Variants in PCDHGA7 observed in about 807,000 individuals in gnomAD.
The protein encoded by PCDHGA7 is protocadherin gamma subfamily A, 7.
In PCDHGA7, 44 loss-of-function variants were observed where a neutral mutation model predicts 58.3. That is an observed-to-expected ratio of 0.75 (90% CI 0.59 to 0.97). PCDHGA7 has a LOEUF of 0.97. Ranked by LOEUF, PCDHGA7 falls within the 50% of genes least tolerant of loss-of-function variation. The pLI, the probability that PCDHGA7 is intolerant of heterozygous loss-of-function variation, is 0.00. For missense variants in PCDHGA7, 1,266 were observed against 1,188.7 expected (o/e 1.06, Z -0.96); for synonymous variants, 516 against 504.2 (o/e 1.02, Z -0.31).
At chr5:141,419,528 G>A (rs966922299) in intron 1 of PCDHGA7, 10 of 1,612,056 alleles carry the variant, frequency 6.2e-6, no homozygotes, top group Admixed American at 1.7e-5. Flanking sequence ...CGACCGTAAC[G>A]ACAACGCACC....
chr5:141,489,397 G>T lies in PCDHGA7; in HGVS notation c.2425-5410G>T. ...GGTGGGGAATGTTGCTCAGGATCTG[G>T]GCTTAAAGATGACAGATCTGTTGAG... On this transcript the variant is annotated intron_variant, in intron 1 of 3. Coordinates refer to ENST00000518325, the MANE Select transcript of PCDHGA7 (RefSeq NM_018920.4). The surrounding 1 kb of genome is among the most constrained non-coding windows in gnomAD (Gnocchi z 4.5). 2 of 1,614,176 alleles carry T rather than the reference G, an allele frequency of 1.2e-6. No individual in the cohort carries two copies. Among genetic ancestry groups the T allele is most frequent in the Non-Finnish European group, 1.7e-6 (2 of 1,180,038 alleles).
In PCDHGA7 at chr5:141,476,235, A is replaced by G; in HGVS notation, c.2425-18572A>G. ...GTCATTCACTATGAGATCCCGGAGG[A>G]AAGAGAGAAGGGTTTCGCTGTGGGC... is the stretch of plus-strand genomic sequence containing the variant. On this transcript the variant is annotated intron_variant, in intron 1 of 3. Coordinates refer to ENST00000518325, the MANE Select transcript of PCDHGA7 (RefSeq NM_018920.4). The surrounding 1 kb of genome is among the most constrained non-coding windows in gnomAD (Gnocchi z 7.6). 2 of 1,613,844 alleles carry G rather than the reference A, an allele frequency of 1.2e-6. No homozygotes were observed. Among genetic ancestry groups the G allele is most frequent in the Admixed American group, 1.7e-5 (1 of 59,990 alleles).
intron 1 of PCDHGA7, chr5:141,398,027 T>G: frequency 6.9e-7 from 1 of 1,449,556 alleles, no homozygotes; most frequent in Non-Finnish European, 9.2e-7. Context: ...AAACTGGAAC[T>G]GGAACTAAAG....
rs1048081343 is a variant in PCDHGA7 at position 141,432,618 on chromosome 5, G to C, written c.2424+47295G>C. 6.2e-7 allele frequency: 1 copy of C among 1,612,806 alleles called. No individual in the cohort carries two copies. Among genetic ancestry groups the C allele is most frequent in the South Asian group, 1.1e-5 (1 of 90,950 alleles). ...AGCGAGCCGGGACTCTTCTCGGTGG[G>C]TCTGCACACGGGCGAGGTGCGCACG... On this transcript the variant is annotated intron_variant, in intron 1 of 3. Transcript: ENST00000518325. The surrounding 1 kb of genome is among the most constrained non-coding windows in gnomAD (Gnocchi z 6.0).
chr5:141,408,624 A>G, intron 1 of PCDHGA7: 1 of 1,614,016 alleles, frequency 6.2e-7, no homozygotes, highest in Non-Finnish European at 8.5e-7. Flanking sequence ...ATACATTTAG[A>G]AATTTTCGAA....
intron 1 of PCDHGA7, chr5:141,402,809 C>A: frequency 4.9e-6 from 6 of 1,214,046 alleles, no homozygotes; most frequent in Non-Finnish European, 6.6e-6. Flanking sequence ...CCGGCAGATA[C>A]CACAAACCTG....
chr5:141,481,179 T>C (rs115525079), intron 1 of PCDHGA7, among the ~76,000 whole-genome samples: 16 of 152,358 alleles, frequency 1.1e-4, no homozygotes, highest in African/African-American at 3.6e-4. Flanking sequence ...TCCAGCTTTA[T>C]TGGGCCAGGC....
At chr5:141,393,746 A>G (rs1167040701) in intron 1 of PCDHGA7, 6 of 1,613,800 alleles carry the variant, frequency 3.7e-6, no homozygotes, top group South Asian at 1.1e-5. Context: ...ATTATGAAGA[A>G]TGTTCATTTT....
At chr5:141,399,205 A>G (rs1344993471) in intron 1 of PCDHGA7, 1 of 1,613,982 alleles carries the variant, frequency 6.2e-7, no homozygotes, top group Admixed American at 1.7e-5. Flanking sequence ...GGTGCCTGGA[A>G]CACTAATTGC....
At chr5:141,465,047 T>C (rs2099095978) in intron 1 of PCDHGA7, among the ~76,000 whole-genome samples, 1 of 152,088 alleles carries the variant, frequency 6.6e-6, no homozygotes, top group Non-Finnish European at 1.5e-5. Context: ...TGACCCTATA[T>C]ATTTTTTTGA....
At position 141,489,664 on chromosome 5, in the gene PCDHGA7, A is replaced by G. The variant is rs745597010; in HGVS notation, c.2425-5143A>G. On this transcript the variant is annotated intron_variant, in intron 1 of 3. Transcript: ENST00000518325. The surrounding 1 kb of genome is among the most constrained non-coding windows in gnomAD (Gnocchi z 4.5). ...TGCCACCCCTGAGCGAGAGATGCGCATCTCAGAATCAGCAGCATCTGGGGC... is the reference window on the plus strand; with the variant it reads ...TGCCACCCCTGAGCGAGAGATGCGCGTCTCAGAATCAGCAGCATCTGGGGC... 1 of 1,614,106 alleles carries G rather than the reference A, an allele frequency of 6.2e-7. No homozygotes were observed. The highest frequency in any genetic ancestry group is 8.5e-7 in the Non-Finnish European group (1 of 1,180,050).
In PCDHGA7 at chr5:141,489,684, T is replaced by A; in HGVS notation, c.2425-5123T>A. 1 of 1,614,180 alleles carries A rather than the reference T, an allele frequency of 6.2e-7. No homozygotes were observed. Among genetic ancestry groups the A allele is most frequent in the South Asian group, 1.1e-5 (1 of 91,078 alleles). ...TGCGCATCTCAGAATCAGCAGCATC[T>A]GGGGCACGATTCCCACTGGACAGTG... On this transcript the variant is annotated intron_variant, in intron 1 of 3. Transcript: ENST00000518325. This position sits in a 1 kb window ranked among gnomAD's most constrained non-coding sequence, Gnocchi z 4.5.
intron 1 of PCDHGA7, among the ~76,000 whole-genome samples, chr5:141,455,322 G>A (rs376682363): frequency 1.3e-5 from 2 of 152,134 alleles, no homozygotes; most frequent in East Asian, 3.9e-4. Context: ...TTTTGTGTGT[G>A]TGTTTGTGGT....
chr5:141,479,703 C>T (rs1219257838), intron 1 of PCDHGA7: 1 of 152,182 alleles, frequency 6.6e-6, no homozygotes, highest in African/African-American at 2.4e-5. Context: ...AGTGTTAGTC[C>T]CTGTCCTTCC....
At chr5:141,434,193 T>G (rs2097677103) in intron 1 of PCDHGA7, among the ~76,000 whole-genome samples, 1 of 152,246 alleles carries the variant, frequency 6.6e-6, no homozygotes, top group South Asian at 2.1e-4. Flanking sequence ...GTAATTCCAA[T>G]GTACTTACTT....
chr5:141,460,592 G>C (rs796171299), intron 1 of PCDHGA7, among the ~76,000 whole-genome samples: 12 of 151,976 alleles, frequency 7.9e-5, no homozygotes, highest in African/African-American at 2.9e-4. Flanking sequence ...GTTTTTTCTG[G>C]GCTCTCTGTG....
At chr5:141,413,443 A>G (rs2095641277) in intron 1 of PCDHGA7, 1 of 1,613,986 alleles carries the variant, frequency 6.2e-7, no homozygotes, top group Admixed American at 1.7e-5. Context: ...CAGCTTGATC[A>G]CCGCGGGCAG....
At chr5:141,421,513 C>T (rs368199651) in intron 1 of PCDHGA7, 14 of 1,613,960 alleles carry the variant, frequency 8.7e-6, no homozygotes, top group Non-Finnish European at 1.1e-5. Context: ...CCGGGAGGAG[C>T]TCTGTGAGAC....
In PCDHGA7 at chr5:141,476,303, G is replaced by T. The variant is rs747567754; in HGVS notation, c.2425-18504G>T. ...TGGTTTGGATCTCGGTAGCCTCTCA[G>T]CCCGCAGGTTCCGGGTGGTGTCTGG... is the stretch of plus-strand genomic sequence containing the variant. On this transcript the variant is annotated intron_variant, in intron 1 of 3. Coordinates refer to ENST00000518325, the MANE Select transcript of PCDHGA7 (RefSeq NM_018920.4). The surrounding 1 kb of genome is among the most constrained non-coding windows in gnomAD (Gnocchi z 7.6). 6.2e-7 allele frequency: 1 copy of T among 1,613,872 alleles called. No individual in the cohort carries two copies. Among genetic ancestry groups the T allele is most frequent in the Admixed American group, 1.7e-5 (1 of 60,000 alleles).
Sources: allele counts gnomAD v4.1 joint callset (sites outside exome capture counted in the v4.1 genomes callset), GRCh38; gene constraint gnomAD v4.1.1; non-coding constraint Gnocchi (gnomAD v3.1); transcripts MANE v1.5; gene names NCBI Gene and HGNC (gene_info 2026-07-23, HGNC 2026-07-21).